NIPBL: variants seen among roughly 807,000 people sequenced by gnomAD.
The protein encoded by NIPBL is nipped-B-like protein.
Under a neutral mutation model 321.8 loss-of-function variants are expected in NIPBL, and 19 were observed. The observed-to-expected ratio is 0.06, with a 90% CI of 0.04 to 0.09. NIPBL has a LOEUF of 0.09. NIPBL is among the 10% of genes least tolerant of loss of function. The pLI is 1.00. For missense variants in NIPBL, 2,210 were observed against 3,327.0 expected (o/e 0.66, Z 8.26); for synonymous variants, 1,106 against 1,114.1 (o/e 0.99, Z 0.14).
At chr5:36,972,524 C>T (rs1349316703) in intron 8 of NIPBL, among the ~76,000 whole-genome samples, 2 of 151,906 alleles carry the variant, frequency 1.3e-5, no homozygotes, top group South Asian at 2.1e-4. Context: ...TTTCCCTGGC[C>T]GTTTTATTAA....
rs557383693 is a variant in NIPBL, at chr5:37,015,313, G to A, written c.4643+548G>A. ...TAATTTTTGTATTTTCAGTAGAGAC[G>A]GGGTTTCCCCGTGTTGGTTAGGCTG... On this transcript the variant is annotated intron_variant, in intron 22 of 46. Coordinates refer to ENST00000282516, the MANE Select transcript of NIPBL (RefSeq NM_133433.4). 8.5e-5 allele frequency among the ~76,000 whole-genome samples: 13 copies of A among 152,168 alleles called. No individual in the cohort carries two copies. In the South Asian group the frequency reaches 2.1e-3, roughly 24 times the overall value.
intron 1 of NIPBL, among the ~76,000 whole-genome samples, chr5:36,924,061 T>G (rs1046075491): frequency 6.6e-6 from 1 of 152,184 alleles, no homozygotes; most frequent in Non-Finnish European, 1.5e-5. Context: ...CTTTAGGATT[T>G]TCTTATTTGT....
intron 1 of NIPBL, among the ~76,000 whole-genome samples, chr5:36,907,114 A>G (rs1308487225): frequency 2.0e-5 from 3 of 152,196 alleles, no homozygotes; most frequent in Admixed American, 1.3e-4. Flanking sequence ...CTTACTCCAC[A>G]TCTTGTTAAA....
chr5:36,907,315 G>C (rs1446706176), intron 1 of NIPBL, among the ~76,000 whole-genome samples: 1 of 152,080 alleles, frequency 6.6e-6, no homozygotes, highest in Non-Finnish European at 1.5e-5. Context: ...TATTTTGTTA[G>C]GTGAGTCCCA....
At position 36,955,722 on chromosome 5, in the gene NIPBL, A is replaced by G. The variant is rs147981857; in HGVS notation, c.230+85A>G. On this transcript the variant is annotated intron_variant, in intron 3 of 46. Coordinates refer to ENST00000282516, the MANE Select transcript of NIPBL (RefSeq NM_133433.4). ...TCCGTATTCCTGGTTTTATTTCAGA[A>G]ATTTTTAGATACATAGTTTATTTTT... 499 of 1,034,956 alleles carry G rather than the reference A, an allele frequency of 4.8e-4. 1 individual carries two copies. The highest frequency in any genetic ancestry group is 6.5e-4 in the Admixed American group (37 of 56,584). 64.1% of individuals were successfully genotyped at this position (1,034,956 alleles called of 1,614,324 possible).
chr5:36,910,753 C>T (rs1329921361), intron 1 of NIPBL, among the ~76,000 whole-genome samples: 1 of 152,040 alleles, frequency 6.6e-6, no homozygotes, highest in Non-Finnish European at 1.5e-5. Flanking sequence ...TATTGTGTTT[C>T]AGTACTGGTG....
intron 1 of NIPBL, among the ~76,000 whole-genome samples, chr5:36,938,052 G>T (rs1447398637): frequency 6.6e-6 from 1 of 152,004 alleles, no homozygotes; most frequent in Non-Finnish European, 1.5e-5. Flanking sequence ...GCTCCTAAAG[G>T]GGCAGATTAT....
chr5:36,984,652 T>G (rs556556735), intron 9 of NIPBL, 24 bp from the exon 10 acceptor site: 1 of 1,584,714 alleles, frequency 6.3e-7, no homozygotes, highest in Admixed American at 1.7e-5. Context: ...ATTACTGATA[T>G]TGATATTTAT....
rs1490657803 is a variant in NIPBL, at chr5:36,995,607, A to G, written c.3122-15A>G. On this transcript the variant is annotated splice_polypyrimidine_tract_variant and intron_variant, in intron 10 of 46. Transcript: ENST00000282516. ...AGATTTACATTTTTTTTTTAAATTTACCTTTCATTAATAGGTAGTATAGAT... is the reference window on the plus strand; with the variant it reads ...AGATTTACATTTTTTTTTTAAATTTGCCTTTCATTAATAGGTAGTATAGAT... 1.3e-6 allele frequency: 2 copies of G among 1,579,208 alleles called. No homozygotes were observed.
intron 10 of NIPBL, among the ~76,000 whole-genome samples, chr5:36,991,454 A>G (rs1745505504): frequency 6.6e-6 from 1 of 152,052 alleles, no homozygotes; most frequent in South Asian, 2.1e-4. Context: ...ATGTATCTGT[A>G]CTTTATATTC....
chr5:37,003,283 A>G lies in NIPBL; in HGVS notation c.3791A>G (p.Lys1264Arg). 6.2e-7 allele frequency: 1 copy of G among 1,602,860 alleles called. No homozygotes were observed. The highest frequency in any genetic ancestry group is 1.7e-5 in the Admixed American group (1 of 59,924). ...MDKLSTDKTV[K>R]VLNILEKNIQ... ...TAGCTTTCAACTGACAAAACTGTGA[A>G]AGTCTTAAATATCTTGGAGAAGAAT... Residue 1264 changes from lysine to arginine, a missense_variant, in exon 16 of 47, where the codon AAA becomes AGA. Transcript: ENST00000282516.
intron 20 of NIPBL, among the ~76,000 whole-genome samples, 200 bp from the exon 21 acceptor site, chr5:37,009,882 CTATTT>C (rs1747903500): frequency 6.6e-6 from 1 of 152,156 alleles, no homozygotes; most frequent in South Asian, 2.1e-4. Flanking sequence ...TTTCCTTTGA[CTATTT>C]TAATTATCTC....
intron 1 of NIPBL, among the ~76,000 whole-genome samples, chr5:36,899,964 T>G (rs976618389): frequency 1.3e-5 from 2 of 152,206 alleles, no homozygotes; most frequent in African/African-American, 4.8e-5. Flanking sequence ...GTTCCTTCCT[T>G]ATGATTTAGA....
chr5:36,998,149 G>A (rs569791348), intron 11 of NIPBL, among the ~76,000 whole-genome samples: 13 of 152,180 alleles, frequency 8.5e-5, no homozygotes, highest in Admixed American at 5.9e-4. Flanking sequence ...CATGTTTTAC[G>A]TACCTCTCTT....
chr5:36,932,444 TTTTC>T (rs1479569634), intron 1 of NIPBL, among the ~76,000 whole-genome samples: 1 of 152,206 alleles, frequency 6.6e-6, no homozygotes, highest in East Asian at 1.9e-4. Flanking sequence ...ATATCCCTCT[TTTTC>T]TTTATTACTA....
chr5:36,950,151 A>G (rs1740110358), intron 1 of NIPBL, among the ~76,000 whole-genome samples: 1 of 151,976 alleles, frequency 6.6e-6, no homozygotes, highest in Non-Finnish European at 1.5e-5. Context: ...GAGCAGGCCC[A>G]AGACTATGAC....
chr5:37,032,838 A>C (rs1381601348), intron 32 of NIPBL, among the ~76,000 whole-genome samples: 1 of 152,010 alleles, frequency 6.6e-6, no homozygotes, highest in African/African-American at 2.4e-5. Flanking sequence ...GTTCATGATA[A>C]AACTTTTTTC....
intron 1 of NIPBL, among the ~76,000 whole-genome samples, chr5:36,943,131 A>T (rs1315077136): frequency 6.6e-6 from 1 of 152,102 alleles, no homozygotes; most frequent in East Asian, 1.9e-4. Flanking sequence ...ATGGATGTGG[A>T]ACCTGTGAAT....
At chr5:36,998,386 A>G (rs968341800) in intron 11 of NIPBL, among the ~76,000 whole-genome samples, 3 of 152,174 alleles carry the variant, frequency 2.0e-5, no homozygotes, top group Non-Finnish European at 4.4e-5. Flanking sequence ...CCAATACAGC[A>G]TATTCTATGT....
Sources: gnomAD v4.1 joint callset for allele counts (sites outside exome capture counted in the v4.1 genomes callset) on GRCh38, gnomAD v4.1.1 for gene constraint, MANE v1.5 for transcripts, NCBI Gene and HGNC (gene_info 2026-07-23, HGNC 2026-07-21) for gene names.